The following NECAB2 variants were observed in gnomAD, a reference collection of about 807,000 sequenced individuals.
NECAB2 encodes the protein N-terminal EF-hand calcium binding protein 2.
Under a neutral mutation model 51.9 loss-of-function variants are expected in NECAB2, and 68 were observed. The observed-to-expected ratio is 1.31, with a 90% CI of 1.08 to 1.60. The LOEUF (loss-of-function observed/expected upper bound fraction) is 1.60. Among genes scored for constraint, NECAB2 ranks in the 40% most tolerant of loss-of-function variants. The pLI is 0.00. For missense variants in NECAB2, 854 were observed against 490.3 expected, an observed-to-expected ratio of 1.74 and a Z score of -7.00; for synonymous variants, 329 against 203.5, an observed-to-expected ratio of 1.62 and a Z score of -5.25.
At chr16:83,978,595 C>T in intron 3 of NECAB2, 43 bp downstream of exon 3, 1 of 1,514,340 alleles carries the variant, frequency 6.6e-7, no homozygotes, top group Non-Finnish European at 9.2e-7. Context: ...TGTGTGTGGG[C>T]TGTGGTGGAG....
rs367624029 is a variant in NECAB2 at position 83,992,176 on chromosome 16, G to A, written c.596+1546G>A. The stretch of plus-strand genomic sequence containing the variant: ...TAGTAGCAAGTTGAGAGTTTCTCAG[G>A]AGGACTGAAAGAGACGTGAAAGAGG... On this transcript the variant is annotated intron_variant, in intron 6 of 12. Transcript: ENST00000305202. 3.3e-5 allele frequency among the ~76,000 whole-genome samples: 5 copies of A among 151,200 alleles called. No individual in the cohort carries two copies. In the East Asian group the frequency reaches 9.7e-4, roughly 29 times the overall value.
At chr16:83,995,461 C>T (rs938257697) in intron 8 of NECAB2, among the ~76,000 whole-genome samples, 7 of 152,062 alleles carry the variant, frequency 4.6e-5, no homozygotes, top group East Asian at 1.9e-4. Context: ...ATGATGTCTC[C>T]GGTTTAGCAC....
chr16:83,996,876 A>C (rs1028593020), intron 8 of NECAB2, among the ~76,000 whole-genome samples: 1 of 152,070 alleles, frequency 6.6e-6, no homozygotes, highest in South Asian at 2.1e-4. Flanking sequence ...ACCCCATTAG[A>C]TCCCTGAGGT....
In NECAB2 at chr16:84,002,406, C is replaced by CGTTTTTTTCTAGACAGACACTT. The variant is rs1555550359; in HGVS notation, c.*61_*82dup. The CGTTTTTTTCTAGACAGACACTT allele has an allele frequency of 1.1e-5, 18 of 1,572,942 alleles. No individual in the cohort carries two copies. The highest frequency in any genetic ancestry group is 1.7e-5 in the Admixed American group (1 of 59,898). ...CCCCTTCTTCTTGTGAAGGAAATCC[C>CGTTTTTTTCTAGACAGACACTT]GTTTTTTTCTAGACAGACACTTTGG... On this transcript the variant is annotated 3_prime_UTR_variant, in exon 13 of 13. Transcript: ENST00000305202.
chr16:83,994,270 A>C (rs966379443), intron 6 of NECAB2, 32 bp from the exon 7 acceptor site: 1 of 1,606,592 alleles, frequency 6.2e-7, no homozygotes. Context: ...AGCCACCGCC[A>C]TGGTCTGTGT....
intron 8 of NECAB2, among the ~76,000 whole-genome samples, chr16:83,995,776 C>T (rs955705575): frequency 2.0e-5 from 3 of 152,108 alleles, no homozygotes; most frequent in African/African-American, 4.8e-5. Context: ...GAATGAAGTC[C>T]GAGGGAGGAA....
chr16:83,976,999 C>T (rs1197157804), intron 2 of NECAB2, among the ~76,000 whole-genome samples: 1 of 152,234 alleles, frequency 6.6e-6, no homozygotes, highest in African/African-American at 2.4e-5. Flanking sequence ...CACAAGGGCA[C>T]CCACCCGAGG....
chr16:83,967,809 G>T (rs1358207941), upstream of NECAB2, among the ~76,000 whole-genome samples: 1 of 147,606 alleles, frequency 6.8e-6, no homozygotes, highest in African/African-American at 2.5e-5. Flanking sequence ...GAGGATGAGT[G>T]GGTGGGTGAA....
chr16:83,968,545 A>T lies in NECAB2; in HGVS notation c.-104A>T. The T allele has an allele frequency of 1.1e-6, 1 of 888,436 alleles. No individual in the cohort carries two copies. Among genetic ancestry groups the T allele is most frequent in the Non-Finnish European group, 1.3e-6 (1 of 746,974 alleles). 55.0% of individuals were successfully genotyped at this position (888,436 alleles called of 1,614,324 possible). ...CGCGGCCGCGGGGGCAGCGGGAGAG[A>T]GGGCGGGGCGGCGCGGGCAGCGCGG... On this transcript the variant is annotated 5_prime_UTR_variant, in exon 1 of 13. Transcript: ENST00000305202.
chr16:83,982,260 A>T (rs963032108), intron 5 of NECAB2, among the ~76,000 whole-genome samples: 14 of 152,330 alleles, frequency 9.2e-5, no homozygotes, highest in African/African-American at 3.1e-4. Flanking sequence ...ATATCTAACA[A>T]TAGTTGGGCC....
At chr16:83,992,526 G>C (rs558722951) in intron 6 of NECAB2, among the ~76,000 whole-genome samples, 2 of 152,166 alleles carry the variant, frequency 1.3e-5, no homozygotes, top group Admixed American at 6.5e-5. Context: ...ACCCAAGCTC[G>C]ATTGAGCCCT....
intron 9 of NECAB2, among the ~76,000 whole-genome samples, chr16:83,997,781 C>T (rs1405229599): frequency 5.3e-5 from 8 of 152,152 alleles, no homozygotes; most frequent in Middle Eastern, 3.2e-3. Flanking sequence ...GCGTGAGCCA[C>T]CACACCTGGC....
chr16:83,991,814 C>CTTTTT (rs1362219666), intron 6 of NECAB2, among the ~76,000 whole-genome samples: 5 of 142,760 alleles, frequency 3.5e-5, no homozygotes, highest in African/African-American at 1.4e-4. Context: ...CCACACCCAG[C>CTTTTT]TATTTTTTTT....
At chr16:83,981,668 G>A (rs993230641) in intron 5 of NECAB2, among the ~76,000 whole-genome samples, 3 of 152,144 alleles carry the variant, frequency 2.0e-5, no homozygotes, top group African/African-American at 7.2e-5. Context: ...CATAGCTGCT[G>A]GCTGGGATGA....
intron 3 of NECAB2, among the ~76,000 whole-genome samples, chr16:83,980,493 C>A (rs1335854929): frequency 1.3e-5 from 2 of 152,140 alleles, no homozygotes; most frequent in Non-Finnish European, 2.9e-5. Context: ...CAGATGAGAG[C>A]TTTGCTGACA....
intron 5 of NECAB2, among the ~76,000 whole-genome samples, chr16:83,983,602 C>G (rs564535701): frequency 6.6e-6 from 1 of 152,178 alleles, no homozygotes; most frequent in East Asian, 1.9e-4. Flanking sequence ...TTTTTTTCCC[C>G]TAAGCTATTG....
intron 5 of NECAB2, among the ~76,000 whole-genome samples, chr16:83,986,596 T>C (rs1026729276): frequency 7.2e-5 from 11 of 152,018 alleles, no homozygotes; most frequent in African/African-American, 2.4e-4. Context: ...CATTGCAGCC[T>C]CAACCTCCCA....
intron 2 of NECAB2, among the ~76,000 whole-genome samples, chr16:83,972,427 C>G (rs1442051624): frequency 6.6e-6 from 1 of 152,188 alleles, no homozygotes; most frequent in Admixed American, 6.5e-5. Flanking sequence ...GTCTGTGATG[C>G]CAAGAACAAT....
intron 5 of NECAB2, among the ~76,000 whole-genome samples, chr16:83,981,861 C>G (rs116204460): frequency 1.3e-5 from 2 of 152,104 alleles, no homozygotes; most frequent in Admixed American, 6.5e-5. Context: ...CACAGGTGCT[C>G]GAGGCAGCAG....
Sources: gnomAD v4.1 joint callset for allele counts (sites outside exome capture counted in the v4.1 genomes callset) on GRCh38, gnomAD v4.1.1 for gene constraint, MANE v1.5 for transcripts, NCBI Gene and HGNC (gene_info 2026-07-23, HGNC 2026-07-21) for gene names.